Variants in ELP3 observed in about 807,000 individuals in gnomAD.
ELP3 encodes elongator complex protein 3.
ELP3 carries 56 observed loss-of-function variants against 74.9 expected under a neutral mutation model. The observed-to-expected ratio is 0.75, with a 90% CI of 0.60 to 0.93. The LOEUF (loss-of-function observed/expected upper bound fraction) is 0.93. Among genes scored for constraint, ELP3 ranks in the 40% least tolerant of loss-of-function variants. ELP3 has a pLI of 0.00. For synonymous variants in ELP3, 222 were observed against 239.8 expected (o/e 0.93, Z 0.68); for missense variants, 573 against 686.5 (o/e 0.83, Z 1.85).
chr8:28,172,690 A>C (rs1814578088), intron 14 of ELP3, among the ~76,000 whole-genome samples: 1 of 152,094 alleles, frequency 6.6e-6, no homozygotes, highest in Non-Finnish European at 1.5e-5. Flanking sequence ...ACTGTGGTGA[A>C]AATGGGCAAC....
At chr8:28,106,144 A>T (rs983776815) in intron 3 of ELP3, among the ~76,000 whole-genome samples, 22 of 152,242 alleles carry the variant, frequency 1.4e-4, no homozygotes, top group African/African-American at 5.3e-4. Flanking sequence ...TACTTAATTT[A>T]TTGTAAAATG....
At chr8:28,117,199 C>G (rs1269131051) in intron 7 of ELP3, among the ~76,000 whole-genome samples, 1 of 151,946 alleles carries the variant, frequency 6.6e-6, no homozygotes, top group Admixed American at 6.6e-5. Context: ...AGTTTGGGTC[C>G]CCTGAGGTAT....
intron 10 of ELP3, among the ~76,000 whole-genome samples, chr8:28,151,206 C>T (rs1380838359): frequency 1.3e-5 from 2 of 152,228 alleles, no homozygotes; most frequent in East Asian, 1.9e-4. Flanking sequence ...ATTCTTTTCT[C>T]AGCCATGTCT....
chr8:28,186,411 A>G (rs551219341), intron 14 of ELP3, among the ~76,000 whole-genome samples: 1 of 152,326 alleles, frequency 6.6e-6, no homozygotes, highest in South Asian at 2.1e-4. Flanking sequence ...GGGTTCGGCA[A>G]TTTCAAAAAG....
intron 14 of ELP3, among the ~76,000 whole-genome samples, chr8:28,171,202 T>C (rs1445722446): frequency 6.6e-6 from 1 of 152,200 alleles, no homozygotes; most frequent in African/African-American, 2.4e-5. Flanking sequence ...TACCCAGAAG[T>C]GTAATTGCTG....
rs78893769 is a variant in ELP3 at position 28,111,481 on chromosome 8, G to A, written c.462+1043G>A. Among the ~76,000 whole-genome samples, 73 of 152,288 alleles carry A rather than the reference G, an allele frequency of 4.8e-4. 2 individuals carry two copies. In the East Asian group the frequency reaches 0.01, roughly 21 times the overall value. On this transcript the variant is annotated intron_variant, in intron 6 of 14. Coordinates refer to ENST00000256398, the MANE Select transcript of ELP3 (RefSeq NM_018091.6). ...AATGGTACATAACCATAGTGGATAA[G>A]TTGTCTCTGGGTTTGTTTATTGGCT...
intron 2 of ELP3, among the ~76,000 whole-genome samples, chr8:28,097,695 C>T (rs1433184845): frequency 6.6e-6 from 1 of 152,008 alleles, no homozygotes; most frequent in Non-Finnish European, 1.5e-5. Flanking sequence ...CGCACCCGGC[C>T]GTCATTCATT....
chr8:28,095,933 G>A (rs1811236889), intron 1 of ELP3, among the ~76,000 whole-genome samples: 2 of 152,186 alleles, frequency 1.3e-5, no homozygotes, highest in Admixed American at 1.3e-4. Context: ...TGGCCTGTTA[G>A]GAGCTGAGCC....
intron 10 of ELP3, among the ~76,000 whole-genome samples, chr8:28,154,992 C>CT (rs1813772693): frequency 1.3e-5 from 2 of 152,222 alleles, no homozygotes; most frequent in Admixed American, 1.3e-4. Flanking sequence ...GCTTTTGATA[C>CT]TTTTGCTGGA....
rs1346092519 is a variant in ELP3 at position 28,106,521 on chromosome 8, CAG to C, written c.259-189_259-188del. ...CGCCACTGCACTCCAGCCTGGGCGA[CAG>C]AGCGAGACTCCGTCTCAAAAAAAAA... is the stretch of plus-strand genomic sequence containing the variant. On this transcript the variant is annotated intron_variant, in intron 3 of 14. Coordinates refer to ENST00000256398, the MANE Select transcript of ELP3 (RefSeq NM_018091.6). Among the ~76,000 whole-genome samples, 375 of 133,524 alleles carry C rather than the reference CAG, an allele frequency of 2.8e-3. 4 individuals carry two copies. Among genetic ancestry groups the C allele is most frequent in the African/African-American group, 0.01 (357 of 35,306 alleles). 87.6% of individuals were successfully genotyped at this position (133,524 alleles called of 152,430 possible).
At chr8:28,187,847 C>A (rs1815300715) in intron 14 of ELP3, among the ~76,000 whole-genome samples, 1 of 152,124 alleles carries the variant, frequency 6.6e-6, no homozygotes, top group African/African-American at 2.4e-5. Context: ...CATGCAGCAC[C>A]TGTGGACGAA....
intron 14 of ELP3, among the ~76,000 whole-genome samples, chr8:28,187,270 C>T (rs960852728): frequency 2.0e-5 from 3 of 152,204 alleles, no homozygotes; most frequent in African/African-American, 4.8e-5. Flanking sequence ...TTATTGTCAT[C>T]GCTTCCTACC....
chr8:28,109,518 G>C (rs567327486), intron 5 of ELP3, among the ~76,000 whole-genome samples: 1 of 152,164 alleles, frequency 6.6e-6, no homozygotes, highest in Non-Finnish European at 1.5e-5. Context: ...AGCATACACA[G>C]GTTGCCTATC....
At chr8:28,114,212 G>A (rs1207860995) in intron 7 of ELP3, among the ~76,000 whole-genome samples, 4 of 151,584 alleles carry the variant, frequency 2.6e-5, no homozygotes, top group Non-Finnish European at 4.4e-5. Context: ...AGTACAAGGA[G>A]GAGTTAGGCC....
chr8:28,093,023 G>A (rs1402544566), upstream of ELP3: 16 of 901,946 alleles, frequency 1.8e-5, no homozygotes, highest in Non-Finnish European at 2.6e-5. Context: ...CTCACGGGCC[G>A]CCTGCTACCC....
intron 14 of ELP3, chr8:28,183,364 C>T: frequency 2.6e-6 from 1 of 391,706 alleles, no homozygotes; most frequent in East Asian, 7.2e-5. Flanking sequence ...TGTAGGAAAG[C>T]TCAGGGTGTA....
At chr8:28,140,111 A>ATT (rs3221739) in intron 10 of ELP3, among the ~76,000 whole-genome samples, 9 of 123,712 alleles carry the variant, frequency 7.3e-5, no homozygotes, top group Non-Finnish European at 1.0e-4. Context: ...AACTGTACAT[A>ATT]TTTTGTGTGT....
chr8:28,149,496 T>C (rs1585710603), intron 10 of ELP3, among the ~76,000 whole-genome samples: 1 of 152,210 alleles, frequency 6.6e-6, no homozygotes. Context: ...TGTTATCCTT[T>C]TAATGTTCGT....
chr8:28,093,380 T>TCC (rs1301184908), intron 1 of ELP3, 147 bp downstream of exon 1: 1 of 1,082,772 alleles, frequency 9.2e-7, no homozygotes, highest in African/African-American at 1.6e-5. Context: ...TCCATTCTGG[T>TCC]CCCCGAGCCT....
Sources: allele counts gnomAD v4.1 joint callset (sites outside exome capture counted in the v4.1 genomes callset), GRCh38; gene constraint gnomAD v4.1.1; transcripts MANE v1.5; gene names NCBI Gene and HGNC (gene_info 2026-07-23, HGNC 2026-07-21).